Variants in KDM6A observed in about 807,000 individuals in gnomAD.
The protein encoded by KDM6A is lysine-specific demethylase 6A.
In KDM6A, 11 loss-of-function variants were observed where a neutral mutation model predicts 117.6. The observed-to-expected ratio is 0.09, with a 90% CI of 0.06 to 0.15. KDM6A has a LOEUF of 0.15. KDM6A is among the 10% of genes least tolerant of loss of function. The pLI, the probability that KDM6A is intolerant of heterozygous loss-of-function variation, is 1.00. For synonymous variants in KDM6A, 384 were observed against 396.1 expected (o/e 0.97, Z 0.36); for missense variants, 799 against 1,077.3 (o/e 0.74, Z 3.62).
At chrX:45,027,269 A>C (rs1300905230) in intron 6 of KDM6A, among the ~76,000 whole-genome samples, 1 of 109,282 alleles carries the variant, frequency 9.2e-6, no homozygotes, top group African/African-American at 3.4e-5. Flanking sequence ...TGAAGTTAGA[A>C]GTTTGAGAGC....
At chrX:45,023,676 C>A (rs1159739534) in intron 6 of KDM6A, among the ~76,000 whole-genome samples, 1 of 111,480 alleles carries the variant, frequency 9.0e-6, no homozygotes, top group Non-Finnish European at 1.9e-5. Flanking sequence ...TTTGGGGGAA[C>A]AGGTGGTGTT....
chrX:44,998,057 A>G (rs767627136), intron 4 of KDM6A, among the ~76,000 whole-genome samples: 27 of 112,061 alleles, frequency 2.4e-4, no homozygotes, highest in Non-Finnish European at 1.7e-4. Flanking sequence ...GGAGTTTAAA[A>G]TAGAAAGTGC....
chrX:44,900,282 A>G (rs1569385791), intron 2 of KDM6A, among the ~76,000 whole-genome samples: 1 of 112,093 alleles, frequency 8.9e-6, no homozygotes, highest in South Asian at 3.6e-4. Flanking sequence ...AGGAGTAGGA[A>G]GGAGAGGCGG....
intron 2 of KDM6A, among the ~76,000 whole-genome samples, chrX:44,879,443 GTTTA>G (rs1316690372): frequency 2.7e-5 from 3 of 112,349 alleles, no homozygotes; most frequent in Non-Finnish European, 3.8e-5. Context: ...AATTAATAAA[GTTTA>G]TTTAATGAAT....
rs1163446393 is a variant in KDM6A, at chrX:45,109,121, T to A, written c.4162-958T>A. Among the ~76,000 whole-genome samples the A allele has an allele frequency of 1.4e-3, 129 of 93,042 alleles. 1 individual carries two copies. The highest frequency in any genetic ancestry group is 4.5e-3 in the African/African-American group (115 of 25,550). 80.8% of individuals were successfully genotyped at this position (93,042 alleles called of 115,157 possible). ...GTACCCTAAAACTTAAAGTATAATT[T>A]AAAAAAATAATAATAATAATAAATA... is the stretch of plus-strand genomic sequence containing the variant. On this transcript the variant is annotated intron_variant, in intron 28 of 29. Coordinates refer to ENST00000611820, the MANE Select transcript of KDM6A (RefSeq NM_001291415.2).
At chrX:44,994,860 C>T (rs1407711683) in intron 4 of KDM6A, among the ~76,000 whole-genome samples, 9 of 110,793 alleles carry the variant, frequency 8.1e-5, no homozygotes, top group Non-Finnish European at 5.7e-5. Flanking sequence ...AGTGGTTTGG[C>T]AGGAAAAATG....
At chrX:44,889,370 A>G (rs2033155071) in intron 2 of KDM6A, among the ~76,000 whole-genome samples, 1 of 112,345 alleles carries the variant, frequency 8.9e-6, no homozygotes, top group Admixed American at 9.5e-5. Context: ...GCATATGATT[A>G]TACTTTTATT....
chrX:45,080,973 C>T (rs2045370548), intron 21 of KDM6A, among the ~76,000 whole-genome samples: 1 of 112,091 alleles, frequency 8.9e-6, no homozygotes, highest in South Asian at 3.7e-4. Flanking sequence ...GCTCTTGTTG[C>T]CCAGGCTGGA....
At position 45,018,698 on chromosome X, in the gene KDM6A, C is replaced by T. The variant is rs1197459867; in HGVS notation, c.444-1912C>T. On this transcript the variant is annotated intron_variant, in intron 5 of 29. Transcript: ENST00000611820. ...CCCTTTGTTATACCTTTTTCCTTTC[C>T]TGAATTCTTTGTTATTTCTTTATTC... is the stretch of plus-strand genomic sequence containing the variant. 4.5e-5 allele frequency among the ~76,000 whole-genome samples: 5 copies of T among 111,404 alleles called. 1 individual carries two copies. In the Admixed American group the frequency reaches 4.8e-4, roughly 11 times the overall value.
At chrX:45,080,489 C>T (rs1423976281) in intron 21 of KDM6A, among the ~76,000 whole-genome samples, 1 of 111,641 alleles carries the variant, frequency 9.0e-6, no homozygotes, top group Non-Finnish European at 1.9e-5. Flanking sequence ...CTTGTCTGCA[C>T]TAAGTTGTTT....
At chrX:44,992,596 G>T (rs1409358313) in intron 4 of KDM6A, among the ~76,000 whole-genome samples, 1 of 109,104 alleles carries the variant, frequency 9.2e-6, no homozygotes, top group African/African-American at 3.3e-5. Flanking sequence ...TGTTTCCCAG[G>T]CTGGAGTGCA....
At chrX:44,963,673 A>G (rs958640364) in intron 3 of KDM6A, among the ~76,000 whole-genome samples, 2 of 110,297 alleles carry the variant, frequency 1.8e-5, no homozygotes, top group Admixed American at 9.7e-5. Context: ...TCTTGAACCC[A>G]TCAAAGTCAT....
intron 8 of KDM6A, 25 bp from the exon 9 acceptor site, chrX:45,051,684 C>A (rs1237877022): frequency 1.1e-6 from 1 of 931,209 alleles, no homozygotes; most frequent in Non-Finnish European, 1.5e-6. Context: ...TAATTTTTCT[C>A]CAAATCTCTT....
intron 18 of KDM6A, among the ~76,000 whole-genome samples, chrX:45,072,129 T>C (rs1481388127): frequency 8.9e-6 from 1 of 112,441 alleles, no homozygotes; most frequent in Non-Finnish European, 1.9e-5. Flanking sequence ...TATTTCATTA[T>C]TTCCTGTCAA....
intron 27 of KDM6A, among the ~76,000 whole-genome samples, chrX:45,093,254 G>A (rs377423148): frequency 9.4e-6 from 1 of 106,330 alleles, no homozygotes; most frequent in South Asian, 4.3e-4. Flanking sequence ...ATGGTGATGG[G>A]CACCTGTAAT....
chrX:44,878,650 A>G (rs781365388), intron 2 of KDM6A, among the ~76,000 whole-genome samples: 2 of 111,751 alleles, frequency 1.8e-5, no homozygotes, highest in Non-Finnish European at 3.8e-5. Flanking sequence ...TTTTCAGTAA[A>G]TAGTTCTTTC....
intron 8 of KDM6A, among the ~76,000 whole-genome samples, chrX:45,047,734 A>G (rs778298909): frequency 2.1e-4 from 15 of 72,390 alleles, no homozygotes; most frequent in Non-Finnish European, 3.4e-4. Flanking sequence ...CCCAGGCTGG[A>G]GTGCAATGGC....
At chrX:44,969,487 G>A (rs1444491479) in intron 3 of KDM6A, among the ~76,000 whole-genome samples, 2 of 98,127 alleles carry the variant, frequency 2.0e-5, no homozygotes, top group African/African-American at 7.7e-5. Context: ...GCGCGATCTC[G>A]GCTCACTGCA....
At chrX:44,946,225 G>A (rs2037625619) in intron 2 of KDM6A, among the ~76,000 whole-genome samples, 1 of 111,065 alleles carries the variant, frequency 9.0e-6, no homozygotes, top group Admixed American at 9.6e-5. Flanking sequence ...TGAGTAGCTG[G>A]GATTACAGGT....
Sources: gnomAD v4.1 joint callset for allele counts (sites outside exome capture counted in the v4.1 genomes callset) on GRCh38, gnomAD v4.1.1 for gene constraint, MANE v1.5 for transcripts, NCBI Gene and HGNC (gene_info 2026-07-23, HGNC 2026-07-21) for gene names.